ECE1: variants seen among roughly 807,000 people sequenced by gnomAD.
The protein encoded by ECE1 is endothelin-converting enzyme 1.
A neutral mutation model predicts 98.6 loss-of-function variants in ECE1; 35 were observed. That is an observed-to-expected ratio of 0.35 (90% CI 0.27 to 0.47). The LOEUF (loss-of-function observed/expected upper bound fraction) is 0.47. Among genes scored for constraint, ECE1 ranks in the 20% least tolerant of loss-of-function variants. The pLI is 1.00. For missense variants in ECE1, 814 were observed against 1,025.3 expected (o/e 0.79, Z 2.81); for synonymous variants, 394 against 407.1 (o/e 0.97, Z 0.39).
At chr1:21,288,462 C>G (rs918978900) in intron 2 of ECE1, among the ~76,000 whole-genome samples, 1 of 152,234 alleles carries the variant, frequency 6.6e-6, no homozygotes. Flanking sequence ...AAACCCGGGT[C>G]GCTGGCTTCA....
intron 9 of ECE1, among the ~76,000 whole-genome samples, chr1:21,246,269 G>A (rs2098203369): frequency 1.3e-5 from 2 of 152,030 alleles, no homozygotes; most frequent in South Asian, 4.1e-4. Context: ...GGAGGCTGAG[G>A]CAGGCAGATC....
rs1333047176 is a variant in ECE1, at chr1:21,235,081, C to T, written c.1566+769G>A. On this transcript the variant is annotated intron_variant, in intron 13 of 18. Transcript: ENST00000374893. The surrounding 1 kb of genome is among the most constrained non-coding windows in gnomAD (Gnocchi z 4.2). ...CATGAATATGAGCCAGCCTGGGAGG[C>T]GGAGGTTGCAGTGAGCTGAGATAGC... 1.3e-5 allele frequency among the ~76,000 whole-genome samples: 2 copies of T among 152,008 alleles called. No homozygotes were observed. The highest frequency in any genetic ancestry group is 2.4e-5 in the African/African-American group (1 of 41,380).
chr1:21,224,417 T>C (rs753336435), intron 17 of ECE1, among the ~76,000 whole-genome samples: 1 of 152,228 alleles, frequency 6.6e-6, no homozygotes, highest in Non-Finnish European at 1.5e-5. Flanking sequence ...ACACAGCCCC[T>C]GCTAGGTAGA....
Position 21,299,148 on chromosome 1 carries a change from A to T in ECE1, c.4-8992T>A. ...TATAATGGTGATGACTGAGCTGCCCAGTAATTGTGCTCAACCAGGAAGCAG... is the reference window on the plus strand; with the variant it reads ...TATAATGGTGATGACTGAGCTGCCCTGTAATTGTGCTCAACCAGGAAGCAG... On this transcript the variant is annotated intron_variant, in intron 1 of 18. Transcript: ENST00000415912. 1.1e-5 allele frequency: 3 copies of T among 263,594 alleles called. No homozygotes were observed. The South Asian group carries it at 1.2e-4, about 10-fold the overall frequency. 16.3% of individuals were successfully genotyped at this position (263,594 alleles called of 1,614,324 possible).
intron 1 of ECE1, among the ~76,000 whole-genome samples, chr1:21,318,262 G>A (rs992462113): frequency 3.9e-5 from 6 of 152,188 alleles, no homozygotes; most frequent in South Asian, 2.1e-4. Flanking sequence ...CCCTGCTGGC[G>A]CATGTGCAGG....
At position 21,258,759 on chromosome 1, in the gene ECE1, G is replaced by A. The variant is rs768067607; in HGVS notation, c.696C>T (p.Arg232=). The part of the protein sequence containing the change: ...DTLQVVTAHY[R]TSPFFSVYVS... ...CATAGACAGAGAAGAAGGGTGAGGT[G>A]CGGTAGTGGGCGGTGACCACCTGCA... is the stretch of plus-strand genomic sequence containing the variant. The change falls in exon 6 of 19, where the codon CGC becomes CGT. Residue 232 remains arginine (R), a synonymous_variant. Coordinates refer to ENST00000374893, the MANE Select transcript of ECE1 (RefSeq NM_001397.3). This position sits in a 1 kb window ranked among gnomAD's most constrained non-coding sequence, Gnocchi z 4.2. 6.2e-7 allele frequency: 1 copy of A among 1,614,238 alleles called. No homozygotes were observed. The highest frequency in any genetic ancestry group is 8.5e-7 in the Non-Finnish European group (1 of 1,180,040).
intron 1 of ECE1, among the ~76,000 whole-genome samples, chr1:21,321,804 C>G (rs974265884): frequency 9.2e-5 from 14 of 152,168 alleles, no homozygotes; most frequent in Non-Finnish European, 2.1e-4. Context: ...TTAGTAGAGA[C>G]AGGGTTTTAC....
chr1:21,342,399 G>A (rs1639416024), intron 1 of ECE1, among the ~76,000 whole-genome samples: 1 of 152,122 alleles, frequency 6.6e-6, no homozygotes, highest in Admixed American at 6.6e-5. Context: ...ACAACCGGAG[G>A]CAGGAGACAT....
At chr1:21,261,498 C>T (rs2098226775) in intron 4 of ECE1, among the ~76,000 whole-genome samples, 1 of 152,152 alleles carries the variant, frequency 6.6e-6, no homozygotes, top group Non-Finnish European at 1.5e-5. Flanking sequence ...TCCTACTCAA[C>T]CTCAAGGCCT....
At chr1:21,221,337 T>C (rs2098167232) in intron 18 of ECE1, among the ~76,000 whole-genome samples, 1 of 152,108 alleles carries the variant, frequency 6.6e-6, no homozygotes, top group Non-Finnish European at 1.5e-5. Flanking sequence ...GCCTGACTTT[T>C]TTTTTGTATT....
Position 21,225,639 on chromosome 1 carries a change from AT to A in ECE1, c.1850-200del, listed in dbSNP as rs2098173203. On this transcript the variant is annotated intron_variant, in intron 16 of 18. Transcript: ENST00000374893. The surrounding 1 kb of genome is among the most constrained non-coding windows in gnomAD (Gnocchi z 5.3). Reference sequence around the variant, plus strand: ...AGGCGGGAGAGGATGAAGGAGAGAAATCGGGAAAAGCTCCAGCGTGGCCCGA... The same window carrying A: ...AGGCGGGAGAGGATGAAGGAGAGAAACGGGAAAAGCTCCAGCGTGGCCCGA... Among the ~76,000 whole-genome samples the A allele has an allele frequency of 6.6e-6, 1 of 151,392 alleles. No individual in the cohort carries two copies. Among genetic ancestry groups the A allele is most frequent in the Admixed American group, 6.6e-5 (1 of 15,204 alleles).
In ECE1 at chr1:21,345,440, C is replaced by G. The variant is rs1639480416; in HGVS notation, c.-62G>C. On this transcript the variant is annotated 5_prime_UTR_variant, in exon 1 of 19. Coordinates refer to the ECE1 transcript ENST00000415912. This position sits in a 1 kb window ranked among gnomAD's most constrained non-coding sequence, Gnocchi z 5.1. ...CGCGCCCGGCTCCCGATTCCCAGCTCCGGGTTCCCTGCTCCCAGCCCAGCT... is the reference window on the plus strand; with the variant it reads ...CGCGCCCGGCTCCCGATTCCCAGCTGCGGGTTCCCTGCTCCCAGCCCAGCT... The G allele has an allele frequency of 7.8e-7, 1 of 1,290,318 alleles. No homozygotes were observed. Among genetic ancestry groups the G allele is most frequent in the Admixed American group, 2.8e-5 (1 of 36,030 alleles). 79.9% of individuals were successfully genotyped at this position (1,290,318 alleles called of 1,614,324 possible). A position where few individuals can be genotyped will look rare whatever the true frequency, so the allele number is the denominator to read the frequency against.
At chr1:21,261,677 C>A (rs946765995) in intron 4 of ECE1, among the ~76,000 whole-genome samples, 4 of 152,190 alleles carry the variant, frequency 2.6e-5, no homozygotes, top group Non-Finnish European at 5.9e-5. Flanking sequence ...TGGCACCCAG[C>A]AGAAACTCAA....
At chr1:21,308,947 G>A (rs1046007430) in intron 1 of ECE1, among the ~76,000 whole-genome samples, 2 of 152,194 alleles carry the variant, frequency 1.3e-5, no homozygotes, top group African/African-American at 4.8e-5. Context: ...GTTGGACTGA[G>A]CCAGAGCCCA....
chr1:21,328,121 C>A (rs901812501), intron 1 of ECE1, among the ~76,000 whole-genome samples: 1 of 152,230 alleles, frequency 6.6e-6, no homozygotes, highest in Admixed American at 6.5e-5. Context: ...ATAGGTCACT[C>A]ACCCCAGGAC....
In ECE1 at chr1:21,257,557, C is replaced by G. The variant is rs1202115507; in HGVS notation, c.796G>C (p.Asp266His). Residue 266 changes from aspartate to histidine, a missense_variant, in exon 7 of 19, where the codon GAC becomes CAC. Around this residue, in one of 3 missense-constraint regions of ECE1, gnomAD observed 105 missense variants for 179.1 expected, o/e 0.59. Transcript: ENST00000374893. ...TTTTCAGTTTTGTTCAGGTAATAGTCTCTCGAGGGCAAGCCCAGGCCAGAC... is the reference window on the plus strand; with the variant it reads ...TTTTCAGTTTTGTTCAGGTAATAGTGTCTCGAGGGCAAGCCCAGGCCAGAC... ...DQSGLGLPSR[D>H]YYLNKTENEK... The G allele has an allele frequency of 6.2e-7, 1 of 1,614,118 alleles. No individual in the cohort carries two copies. Among genetic ancestry groups the G allele is most frequent in the Non-Finnish European group, 8.5e-7 (1 of 1,180,054 alleles).
At chr1:21,273,342 T>TGC (rs1282727155) in intron 3 of ECE1, among the ~76,000 whole-genome samples, 31 of 91,120 alleles carry the variant, frequency 3.4e-4, no homozygotes, top group African/African-American at 9.4e-4. Flanking sequence ...CCCGTGCGTG[T>TGC]GTGCGTGTGT....
At chr1:21,267,876 A>T (rs2098235875) in intron 4 of ECE1, among the ~76,000 whole-genome samples, 1 of 152,250 alleles carries the variant, frequency 6.6e-6, no homozygotes, top group Non-Finnish European at 1.5e-5. Flanking sequence ...TCACAGGGTG[A>T]CATGATTAAT....
At chr1:21,270,345 T>C (rs927736167) in intron 4 of ECE1, among the ~76,000 whole-genome samples, 59 of 152,264 alleles carry the variant, frequency 3.9e-4, no homozygotes, top group African/African-American at 1.4e-3. Context: ...GTGTCTCTCC[T>C]TCCTTCAGGC....
Sources: allele counts gnomAD v4.1 joint callset (sites outside exome capture counted in the v4.1 genomes callset), GRCh38; gene constraint gnomAD v4.1.1; regional missense constraint gnomAD v4.1.1; non-coding constraint Gnocchi (gnomAD v3.1); transcripts MANE v1.5; gene names NCBI Gene and HGNC (gene_info 2026-07-23, HGNC 2026-07-21).